Variants in ZNF438 observed in about 807,000 individuals in gnomAD.
ZNF438 encodes zinc finger protein 438.
A neutral mutation model predicts 38.0 loss-of-function variants in ZNF438; 25 were observed. The ratio of observed to expected loss-of-function variants is 0.66; its 90% CI spans 0.48 to 0.92. The LOEUF (loss-of-function observed/expected upper bound fraction) is 0.92, where lower values mean the gene tolerates loss of function less well. ZNF438 is among the 40% of genes least tolerant of loss of function. The probability of loss-of-function intolerance (pLI) is 0.00; values close to 1 mark genes in which losing one functional copy is unlikely to be tolerated. For synonymous variants in ZNF438, 372 were observed against 364.1 expected, an observed-to-expected ratio of 1.02 and a Z score of -0.25; for missense variants, 1,007 against 999.6, an observed-to-expected ratio of 1.01 and a Z score of -0.10.
At chr10:30,912,283 CCATT>C (rs1303711213) in intron 2 of ZNF438, among the ~76,000 whole-genome samples, 1 of 152,160 alleles carries the variant, frequency 6.6e-6, no homozygotes, top group Non-Finnish European at 1.5e-5. Flanking sequence ...TCCACAGACA[CCATT>C]CAGTCTTCAT....
At chr10:30,968,589 A>G (rs1239377736) in intron 1 of ZNF438, among the ~76,000 whole-genome samples, 1 of 151,564 alleles carries the variant, frequency 6.6e-6, no homozygotes, top group Non-Finnish European at 1.5e-5. Context: ...GATTACAAAC[A>G]TGCACCACCA....
intron 1 of ZNF438, among the ~76,000 whole-genome samples, chr10:30,943,842 C>A (rs986943102): frequency 1.4e-5 from 2 of 147,684 alleles, no homozygotes; most frequent in Non-Finnish European, 3.0e-5. Context: ...AAATGCCATG[C>A]TTTTTCTTGA....
chr10:31,006,091 C>A (rs1589691546), intron 1 of ZNF438, among the ~76,000 whole-genome samples: 1 of 152,150 alleles, frequency 6.6e-6, no homozygotes, highest in South Asian at 2.1e-4. Context: ...AAATATATAT[C>A]TGGTCTACAT....
At chr10:31,016,311 A>G (rs1235590377) in intron 1 of ZNF438, among the ~76,000 whole-genome samples, 2 of 152,218 alleles carry the variant, frequency 1.3e-5, no homozygotes, top group African/African-American at 4.8e-5. Flanking sequence ...TGAAAAATAA[A>G]TTTTCATAGA....
chr10:31,017,802 T>G (rs2056312462), intron 1 of ZNF438, among the ~76,000 whole-genome samples: 1 of 152,244 alleles, frequency 6.6e-6, no homozygotes, highest in Non-Finnish European at 1.5e-5. Flanking sequence ...CCATTTGACT[T>G]GCTTTGGCCA....
At chr10:31,011,543 A>G (rs2055700913) in intron 1 of ZNF438, among the ~76,000 whole-genome samples, 1 of 152,188 alleles carries the variant, frequency 6.6e-6, no homozygotes, top group African/African-American at 2.4e-5. Flanking sequence ...TGAGGAAGAG[A>G]GTCAAAAACA....
At chr10:30,868,197 G>A (rs2036795597) in intron 4 of ZNF438, among the ~76,000 whole-genome samples, 1 of 151,650 alleles carries the variant, frequency 6.6e-6, no homozygotes, top group Admixed American at 6.6e-5. Context: ...AGCCTCCCAA[G>A]TAGCTGGGAT....
chr10:30,862,593 T>C (rs2035768336), intron 4 of ZNF438, among the ~76,000 whole-genome samples: 1 of 152,206 alleles, frequency 6.6e-6, no homozygotes, highest in Admixed American at 6.5e-5. Flanking sequence ...GCATAAGCCA[T>C]TGCACCCGGC....
chr10:30,978,238 A>G (rs2136359661), intron 1 of ZNF438, among the ~76,000 whole-genome samples: 1 of 152,270 alleles, frequency 6.6e-6, no homozygotes, highest in Non-Finnish European at 1.5e-5. Context: ...TACAGACTAG[A>G]CAGTATATTG....
intron 2 of ZNF438, among the ~76,000 whole-genome samples, chr10:30,928,447 C>T (rs954870828): frequency 7.9e-5 from 12 of 151,716 alleles, no homozygotes; most frequent in Non-Finnish European, 1.3e-4. Context: ...TACATTGAAA[C>T]TTTGTTATTT....
chr10:31,010,903 A>G (rs1393074250), intron 1 of ZNF438, among the ~76,000 whole-genome samples: 3 of 31,298 alleles, frequency 9.6e-5, no homozygotes, highest in Non-Finnish European at 2.9e-4. Flanking sequence ...AAAAAAAAAA[A>G]AAAAAAAAAA....
rs1251797841 is a variant in ZNF438 at position 30,991,692 on chromosome 10, T to C, written c.-192+40141A>G. Among the ~76,000 whole-genome samples, 4 of 152,234 alleles carry C rather than the reference T, an allele frequency of 2.6e-5. No individual in the cohort carries two copies. In the East Asian group the frequency reaches 7.7e-4, roughly 29 times the overall value. On this transcript the variant is annotated intron_variant, in intron 1 of 5. Coordinates refer to ENST00000413025, the Ensembl canonical transcript of ZNF438. ...TAAGAAGGTGCTCATGGCCCCAGGA[T>C]ACAAGCAGCAACCAACAAATTAGGA...
At chr10:31,006,589 G>T (rs2055149652) in intron 1 of ZNF438, among the ~76,000 whole-genome samples, 1 of 152,092 alleles carries the variant, frequency 6.6e-6, no homozygotes, top group Non-Finnish European at 1.5e-5. Context: ...TGAACCCAAA[G>T]AGGTGGTTGT....
At chr10:30,897,777 G>C (rs2041525250) in intron 3 of ZNF438, among the ~76,000 whole-genome samples, 1 of 152,194 alleles carries the variant, frequency 6.6e-6, no homozygotes, top group Non-Finnish European at 1.5e-5. Flanking sequence ...AGCAGACAGT[G>C]GTGAGGACAT....
chr10:31,010,775 G>A (rs987209157), intron 1 of ZNF438, among the ~76,000 whole-genome samples: 1 of 151,452 alleles, frequency 6.6e-6, no homozygotes, highest in Non-Finnish European at 1.5e-5. Context: ...TGTAGTTCTA[G>A]GTACTTTCTT....
chr10:30,858,405 A>G (rs1325310534), intron 4 of ZNF438, among the ~76,000 whole-genome samples: 1 of 152,186 alleles, frequency 6.6e-6, no homozygotes, highest in African/African-American at 2.4e-5. Context: ...AATGTCTCAT[A>G]ACACAAGGGA....
chr10:30,969,435 GAATAA>G (rs1564761612), intron 1 of ZNF438, among the ~76,000 whole-genome samples: 232 of 152,240 alleles, frequency 1.5e-3, no homozygotes, highest in African/African-American at 4.9e-3. Context: ...CTTGAACACT[GAATAA>G]CAAATATGCA....
chr10:30,951,942 A>G (rs1361942515), intron 1 of ZNF438, among the ~76,000 whole-genome samples: 1 of 151,718 alleles, frequency 6.6e-6, no homozygotes, highest in Non-Finnish European at 1.5e-5. Flanking sequence ...CGCATTGCCA[A>G]GTCAATCCTA....
chr10:30,860,426 C>CAATGTATATA (rs1338717270), intron 4 of ZNF438, among the ~76,000 whole-genome samples: 1 of 152,232 alleles, frequency 6.6e-6, no homozygotes, highest in Non-Finnish European at 1.5e-5. Context: ...ACAGCTGATT[C>CAATGTATATA]AATGTATATA....
Sources: allele counts gnomAD v4.1 joint callset (sites outside exome capture counted in the v4.1 genomes callset), GRCh38; gene constraint gnomAD v4.1.1; transcripts MANE v1.5; gene names NCBI Gene and HGNC (gene_info 2026-07-23, HGNC 2026-07-21).